PLCB4: variants seen among roughly 807,000 people sequenced by gnomAD.
PLCB4 encodes phospholipase C beta 4.
Under a neutral mutation model 178.8 loss-of-function variants are expected in PLCB4, and 77 were observed. The observed-to-expected ratio is 0.43, with a 90% CI of 0.36 to 0.52. PLCB4 has a LOEUF of 0.52. Among genes scored for constraint, PLCB4 ranks in the 20% least tolerant of loss-of-function variants. The pLI is 0.00. For synonymous variants in PLCB4, 496 were observed against 490.8 expected, an observed-to-expected ratio of 1.01 and a Z score of -0.14; for missense variants, 1,024 against 1,453.4, an observed-to-expected ratio of 0.70 and a Z score of 4.80.
chr20:9,178,793 A>G (rs2093197593), intron 2 of PLCB4, among the ~76,000 whole-genome samples: 1 of 152,062 alleles, frequency 6.6e-6, no homozygotes, highest in Non-Finnish European at 1.5e-5. Flanking sequence ...AGATCAATAA[A>G]ATACTTTTAG....
chr20:9,078,798 T>C (rs2090003808), intron 1 of PLCB4, among the ~76,000 whole-genome samples: 1 of 152,230 alleles, frequency 6.6e-6, no homozygotes, highest in Non-Finnish European at 1.5e-5. Context: ...AAGTAAATTA[T>C]TTGTGAATTT....
chr20:9,375,118 A>G (rs2036561520), intron 12 of PLCB4, among the ~76,000 whole-genome samples: 1 of 152,058 alleles, frequency 6.6e-6, no homozygotes, highest in South Asian at 2.1e-4. Context: ...TTCCTTTTCT[A>G]TCCTAGTGAA....
At chr20:9,082,589 T>C (rs1231034637) in intron 1 of PLCB4, among the ~76,000 whole-genome samples, 3 of 152,252 alleles carry the variant, frequency 2.0e-5, no homozygotes, top group African/African-American at 7.2e-5. Context: ...CACATTTCAG[T>C]GCAGACAACA....
intron 7 of PLCB4, among the ~76,000 whole-genome samples, chr20:9,344,152 C>G (rs1019548533): frequency 6.6e-6 from 1 of 152,192 alleles, no homozygotes; most frequent in Admixed American, 6.5e-5. Context: ...CCCTTTCTAC[C>G]TTAATCTCTC....
chr20:9,071,732 G>A (rs531454357), intron 1 of PLCB4, among the ~76,000 whole-genome samples: 1 of 152,264 alleles, frequency 6.6e-6, no homozygotes, highest in Admixed American at 6.5e-5. Flanking sequence ...GGTAATGTAA[G>A]AAAGATTTTG....
chr20:9,139,711 C>T (rs996370800), intron 2 of PLCB4, among the ~76,000 whole-genome samples: 1 of 142,414 alleles, frequency 7.0e-6, no homozygotes, highest in African/African-American at 2.7e-5. Context: ...TTTAAAACCA[C>T]ATTTTTTTTT....
Position 9,421,292 on chromosome 20 carries a change from T to C in PLCB4, c.2155-5T>C. On this transcript the variant is annotated splice_region_variant and splice_polypyrimidine_tract_variant and intron_variant, in intron 26 of 39. Coordinates refer to ENST00000378473, the MANE Select transcript of PLCB4 (RefSeq NM_001377142.1). ...TTCTCTTTGCTCTCGTTCGTGCTGC[T>C]ACAGGTTATATCAGGTCAATTCTTA... The C allele has an allele frequency of 6.2e-7, 1 of 1,607,650 alleles. No individual in the cohort carries two copies. The highest frequency in any genetic ancestry group is 8.5e-7 in the Non-Finnish European group (1 of 1,175,216).
At chr20:9,298,367 G>T (rs191565518) in intron 3 of PLCB4, among the ~76,000 whole-genome samples, 137 of 152,124 alleles carry the variant, frequency 9.0e-4, no homozygotes, top group African/African-American at 3.3e-3. Context: ...TGTCTCTCTT[G>T]TTAACCTGTC....
chr20:9,375,771 G>A (rs2036617328), intron 12 of PLCB4, among the ~76,000 whole-genome samples: 1 of 152,040 alleles, frequency 6.6e-6, no homozygotes. Flanking sequence ...CAATTCCACG[G>A]AAAAACTGTT....
intron 28 of PLCB4, among the ~76,000 whole-genome samples, chr20:9,433,423 T>C (rs1345391035): frequency 6.6e-6 from 1 of 152,260 alleles, no homozygotes; most frequent in Non-Finnish European, 1.5e-5. Context: ...CTGTGTATTA[T>C]ATCATAGTAA....
At position 9,421,401 on chromosome 20, in the gene PLCB4, C is replaced by T. The variant is rs933657613; in HGVS notation, c.2259C>T (p.Arg753=). ...TDTIRKEFRT[R]MVMNNGLNPV... is the part of the protein sequence containing the mutation. ...CCATACGTAAGGAATTCCGAACTCG[C>T]ATGGTTATGAATAATGGACTCAATC... The change falls in exon 27 of 40, where the codon CGC becomes CGT. Residue 753 remains arginine (R), a synonymous_variant. Transcript: ENST00000378473. The T allele has an allele frequency of 1.2e-6, 2 of 1,613,810 alleles. No homozygotes were observed. Among genetic ancestry groups the T allele is most frequent in the Non-Finnish European group, 1.7e-6 (2 of 1,179,760 alleles).
chr20:9,149,078 C>T (rs979514719), intron 2 of PLCB4, among the ~76,000 whole-genome samples: 1 of 152,134 alleles, frequency 6.6e-6, no homozygotes, highest in African/African-American at 2.4e-5. Flanking sequence ...CAACAGGAAG[C>T]ACTGGTGGAA....
chr20:9,398,926 A>G (rs527584723), intron 19 of PLCB4, among the ~76,000 whole-genome samples: 2 of 152,348 alleles, frequency 1.3e-5, no homozygotes, highest in East Asian at 3.9e-4. Context: ...ATTCAAGTCA[A>G]GACTTTTGTA....
intron 1 of PLCB4, among the ~76,000 whole-genome samples, chr20:9,071,103 A>G (rs1305174503): frequency 6.6e-6 from 1 of 152,134 alleles, no homozygotes; most frequent in Admixed American, 6.5e-5. Flanking sequence ...TTTTTGCCTT[A>G]TGAGATAAAG....
At chr20:9,100,023 A>G (rs577721151) in intron 2 of PLCB4, among the ~76,000 whole-genome samples, 4 of 152,280 alleles carry the variant, frequency 2.6e-5, no homozygotes, top group Admixed American at 2.6e-4. Flanking sequence ...CCAAGCAGAA[A>G]TGCCCACTTT....
intron 12 of PLCB4, among the ~76,000 whole-genome samples, chr20:9,379,678 G>A (rs2036973280): frequency 6.6e-6 from 1 of 151,982 alleles, no homozygotes; most frequent in African/African-American, 2.4e-5. Context: ...TTGGGGGGTT[G>A]GTGTTTGCTT....
chr20:9,308,820 T>A (rs2094799569), intron 4 of PLCB4, among the ~76,000 whole-genome samples: 1 of 152,210 alleles, frequency 6.6e-6, no homozygotes, highest in Non-Finnish European at 1.5e-5. Flanking sequence ...ATGCTAAGGA[T>A]GGACCTAAAC....
At chr20:9,274,524 G>A (rs779188454) in intron 3 of PLCB4, among the ~76,000 whole-genome samples, 1 of 152,052 alleles carries the variant, frequency 6.6e-6, no homozygotes, top group East Asian at 1.9e-4. Flanking sequence ...ATTTGCACAT[G>A]TAAACACATG....
chr20:9,223,822 A>G (rs969687772), intron 3 of PLCB4, among the ~76,000 whole-genome samples: 2 of 152,190 alleles, frequency 1.3e-5, no homozygotes, highest in African/African-American at 2.4e-5. Context: ...TGTGTTAAGT[A>G]CTGAATTTTA....
Sources: gnomAD v4.1 joint callset for allele counts (sites outside exome capture counted in the v4.1 genomes callset) on GRCh38, gnomAD v4.1.1 for gene constraint, MANE v1.5 for transcripts, NCBI Gene and HGNC (gene_info 2026-07-23, HGNC 2026-07-21) for gene names.